Variants in ARHGAP6 observed in about 807,000 individuals in gnomAD.
The protein encoded by ARHGAP6 is rho GTPase-activating protein 6.
In ARHGAP6, 16 loss-of-function variants were observed where a neutral mutation model predicts 55.7. That is an observed-to-expected ratio of 0.29 (90% confidence interval 0.19 to 0.44). The LOEUF is 0.44. Ranked by LOEUF, ARHGAP6 falls within the 20% of genes least tolerant of loss-of-function variation. The probability of loss-of-function intolerance (pLI) is 1.00; values close to 1 mark genes in which losing one functional copy is unlikely to be tolerated. For missense variants in ARHGAP6, 698 were observed against 808.9 expected, an observed-to-expected ratio of 0.86 and a Z score of 1.66; for synonymous variants, 382 against 360.9, an observed-to-expected ratio of 1.06 and a Z score of -0.66.
At chrX:11,639,449 G>A (rs1253298734) in intron 1 of ARHGAP6, among the ~76,000 whole-genome samples, 2 of 109,866 alleles carry the variant, frequency 1.8e-5, no homozygotes, top group East Asian at 5.7e-4. Flanking sequence ...ACCTATGAGC[G>A]AGAACATGCA....
At chrX:11,438,988 C>G (rs1473770345) in intron 1 of ARHGAP6, among the ~76,000 whole-genome samples, 1 of 112,096 alleles carries the variant, frequency 8.9e-6, no homozygotes, top group African/African-American at 3.2e-5. Context: ...ATTTTCTTTT[C>G]CTCTGACGTC....
At chrX:11,239,621 G>T (rs1204799064) in intron 2 of ARHGAP6, among the ~76,000 whole-genome samples, 1 of 111,406 alleles carries the variant, frequency 9.0e-6, no homozygotes, top group African/African-American at 3.3e-5. Context: ...TTATTAGGTT[G>T]TTGTAAGATT....
intron 1 of ARHGAP6, among the ~76,000 whole-genome samples, chrX:11,264,803 C>T (rs1455468478): frequency 2.7e-5 from 3 of 112,086 alleles, no homozygotes; most frequent in South Asian, 3.8e-4. Flanking sequence ...ATGGTCCGCT[C>T]TCTGCTAGTT....
chrX:11,596,538 G>C (rs5935122), intron 1 of ARHGAP6, among the ~76,000 whole-genome samples: 2 of 110,656 alleles, frequency 1.8e-5, no homozygotes, highest in African/African-American at 3.3e-5. Context: ...AAAACTGCAC[G>C]TTCTGCACAT....
chrX:11,144,862 C>A (rs913249739), intron 10 of ARHGAP6, among the ~76,000 whole-genome samples: 3 of 111,696 alleles, frequency 2.7e-5, no homozygotes, highest in Admixed American at 1.9e-4. Flanking sequence ...AATATATGAC[C>A]CTCACTAGAC....
At chrX:11,321,419 T>C (rs751293032) in intron 1 of ARHGAP6, among the ~76,000 whole-genome samples, 1 of 111,898 alleles carries the variant, frequency 8.9e-6, no homozygotes, top group South Asian at 3.7e-4. Context: ...TAAGTACCTT[T>C]TCTAAAAATA....
chrX:11,325,565 T>A (rs5979401), intron 1 of ARHGAP6, among the ~76,000 whole-genome samples: 26,532 of 111,392 alleles, frequency 0.24, 2,388 homozygotes, highest in Middle Eastern at 0.37. Context: ...CATACAAATT[T>A]TTCTTTCAGA....
chrX:11,452,913 T>C (rs1020189980), intron 1 of ARHGAP6, among the ~76,000 whole-genome samples: 2 of 110,405 alleles, frequency 1.8e-5, no homozygotes, highest in Middle Eastern at 4.8e-3. Context: ...TCTTGCAGAG[T>C]TGTGGAAAGT....
At chrX:11,420,548 T>C (rs1238658322) in intron 1 of ARHGAP6, among the ~76,000 whole-genome samples, 1 of 110,976 alleles carries the variant, frequency 9.0e-6, no homozygotes, top group Non-Finnish European at 1.9e-5. Flanking sequence ...TGCAATTCAA[T>C]GGGAGAACAG....
intron 2 of ARHGAP6, among the ~76,000 whole-genome samples, chrX:11,206,887 G>A (rs1306338492): frequency 3.6e-5 from 4 of 111,573 alleles, no homozygotes; most frequent in African/African-American, 1.3e-4. Flanking sequence ...TGTTTCTCAT[G>A]TATTTCCAAA....
At chrX:11,411,183 T>TTA (rs201875323) in intron 1 of ARHGAP6, among the ~76,000 whole-genome samples, 2,877 of 31,515 alleles carry the variant, frequency 0.091, 160 homozygotes, top group Non-Finnish European at 0.11. Context: ...CAGACATTAT[T>TTA]TATATATATA....
rs773046477 is a variant in ARHGAP6, at chrX:11,562,765, T to C, written c.588+101476A>G. ...CTCCAACACTAACAGTGACCTTCCCTCTGGCTCCCACCTTTGAAACGCAAT... is the reference window on the plus strand; with the variant it reads ...CTCCAACACTAACAGTGACCTTCCCCCTGGCTCCCACCTTTGAAACGCAAT... On this transcript the variant is annotated intron_variant, in intron 1 of 12. Coordinates refer to ENST00000337414, the MANE Select transcript of ARHGAP6 (RefSeq NM_013427.3). Among the ~76,000 whole-genome samples, 8 of 112,036 alleles carry C rather than the reference T, an allele frequency of 7.1e-5. No homozygotes were observed. In the South Asian group the frequency reaches 3.0e-3, roughly 42 times the overall value.
rs182600034 is a variant in ARHGAP6 at position 11,655,712 on chromosome X, C to T, written c.588+8529G>A. 7.1e-5 allele frequency among the ~76,000 whole-genome samples: 8 copies of T among 112,097 alleles called. No individual in the cohort carries two copies. In the East Asian group the frequency reaches 1.4e-3, roughly 20 times the overall value. ...CATTCCAAGGGTTTTTCTGCCATGT[C>T]GTAACATAGTTACAATCACAGTCTC... On this transcript the variant is annotated intron_variant, in intron 1 of 12. Transcript: ENST00000337414.
chrX:11,233,877 C>T (rs1386082334), intron 2 of ARHGAP6, among the ~76,000 whole-genome samples: 2 of 112,218 alleles, frequency 1.8e-5, no homozygotes, highest in African/African-American at 6.5e-5. Context: ...ATACAAGACA[C>T]ACAAATCTCA....
At chrX:11,416,139 G>A (rs937637714) in intron 1 of ARHGAP6, among the ~76,000 whole-genome samples, 1 of 111,323 alleles carries the variant, frequency 9.0e-6, no homozygotes, top group Non-Finnish European at 1.9e-5. Context: ...TCCCCCACCT[G>A]CGGCAGCACA....
intron 1 of ARHGAP6, among the ~76,000 whole-genome samples, chrX:11,561,001 G>A (rs778277016): frequency 5.4e-5 from 6 of 111,843 alleles, no homozygotes; most frequent in South Asian, 7.4e-4. Context: ...ACTGCAGCCT[G>A]TTTTTATAAA....
chrX:11,595,987 G>C (rs1049021205), intron 1 of ARHGAP6, among the ~76,000 whole-genome samples: 1 of 112,237 alleles, frequency 8.9e-6, no homozygotes, highest in African/African-American at 3.2e-5. Flanking sequence ...ATGTAAATTA[G>C]TTCAACCATT....
intron 1 of ARHGAP6, among the ~76,000 whole-genome samples, chrX:11,409,322 G>A (rs1268456386): frequency 1.8e-5 from 2 of 111,864 alleles, no homozygotes; most frequent in Non-Finnish European, 3.8e-5. Flanking sequence ...AAATGGGGTG[G>A]GGGGTTGTCT....
intron 1 of ARHGAP6, among the ~76,000 whole-genome samples, chrX:11,569,421 AG>A (rs2147104390): frequency 8.9e-6 from 1 of 112,041 alleles, no homozygotes; most frequent in Non-Finnish European, 1.9e-5. Context: ...ATGGGTGGCT[AG>A]TGCAGGTGCT....
Sources: allele counts gnomAD v4.1 joint callset (sites outside exome capture counted in the v4.1 genomes callset), GRCh38; gene constraint gnomAD v4.1.1; transcripts MANE v1.5; gene names NCBI Gene and HGNC (gene_info 2026-07-23, HGNC 2026-07-21).